The following TGIF2 variants were observed in gnomAD, a reference collection of about 807,000 sequenced individuals.
TGIF2 encodes TGFB induced factor homeobox 2.
Under a neutral mutation model 15.1 loss-of-function variants are expected in TGIF2, and 5 were observed. The observed-to-expected ratio is 0.33, with a 90% CI of 0.17 to 0.70. The LOEUF (loss-of-function observed/expected upper bound fraction) is 0.70. Among genes scored for constraint, TGIF2 ranks in the 30% least tolerant of loss-of-function variants. The pLI, the probability that TGIF2 is intolerant of heterozygous loss-of-function variation, is 0.67. For missense variants in TGIF2, 264 were observed against 302.5 expected (o/e 0.87, Z 0.94); for synonymous variants, 131 against 128.9 (o/e 1.02, Z -0.11).
chr20:36,591,162 G>C lies in TGIF2; in HGVS notation c.445G>C (p.Gly149Arg), dbSNP rs778161377. The change falls in exon 3 of 3, where the codon GGG (glycine) becomes CGG (arginine). Residue 149 changes from glycine (G) to arginine (R), a missense_variant. Gly to Arg is a moderately radical substitution (Grantham distance 125, BLOSUM62 -2). Coordinates refer to ENST00000373872, the MANE Select transcript of TGIF2 (RefSeq NM_021809.7). The surrounding 1 kb of genome is among the most constrained non-coding windows in gnomAD (Gnocchi z 5.3). Reference protein sequence around the residue: ...GEKPAAPFPRGELESPKPLVT... With the variant: ...GEKPAAPFPRRELESPKPLVT... ...AAAGCCAGCAGCCCCTTTCCCACGT[G>C]GGGAGCTGGAGTCTCCCAAGCCCCT... The C allele has an allele frequency of 5.6e-6, 9 of 1,614,100 alleles. No individual in the cohort carries two copies. The highest frequency in any genetic ancestry group is 1.1e-5 in the South Asian group (1 of 91,088).
At chr20:36,574,654 A>C (rs552422999) in intron 1 of TGIF2, 22 of 152,252 alleles carry the variant, frequency 1.4e-4, no homozygotes, top group African/African-American at 5.3e-4. Context: ...TCTTTCTTCC[A>C]GAGCCCCCGT....
Position 36,592,535 on chromosome 20 carries a change from AGCCATCT to A in TGIF2, c.*1107_*1113del, listed in dbSNP as rs1434045410. ...GCACCTCCTACTTGGGAGAAAAGTG[AGCCATCT>A]GCTGGTCAGGAAGTCCTCCAGAGAG... On this transcript the variant is annotated 3_prime_UTR_variant, in exon 3 of 3. Coordinates refer to ENST00000373872, the MANE Select transcript of TGIF2 (RefSeq NM_021809.7). 1 of 152,544 alleles carries A rather than the reference AGCCATCT, an allele frequency of 6.6e-6. No individual in the cohort carries two copies. Among genetic ancestry groups the A allele is most frequent in the African/African-American group, 2.4e-5 (1 of 41,406 alleles). 9.4% of individuals were successfully genotyped at this position (152,544 alleles called of 1,614,324 possible). A position where few individuals can be genotyped will look rare whatever the true frequency, so the allele number is the denominator to read the frequency against.
At chr20:36,588,501 C>T (rs1247278066) in intron 2 of TGIF2, among the ~76,000 whole-genome samples, 3 of 151,508 alleles carry the variant, frequency 2.0e-5, no homozygotes, top group Middle Eastern at 3.2e-3. Context: ...GCTGAGACTA[C>T]AGGCACATGC....
chr20:36,589,054 A>G (rs528135263), intron 2 of TGIF2, among the ~76,000 whole-genome samples: 53 of 152,338 alleles, frequency 3.5e-4, no homozygotes, highest in African/African-American at 1.2e-3. Flanking sequence ...TTTCCTTGGA[A>G]TTGTCTAGAA....
intron 2 of TGIF2, among the ~76,000 whole-genome samples, chr20:36,590,007 T>G (rs575611827): frequency 1.3e-5 from 2 of 151,942 alleles, no homozygotes; most frequent in East Asian, 3.9e-4. Context: ...CAGGCTGGAG[T>G]GCACTGGCAT....
intron 2 of TGIF2, among the ~76,000 whole-genome samples, chr20:36,587,181 C>T (rs530227325): frequency 4.8e-4 from 73 of 152,312 alleles, no homozygotes; most frequent in African/African-American, 1.7e-3. Flanking sequence ...TCAGTCCCCC[C>T]GCGTTGCCTT....
At position 36,591,196 on chromosome 20, in the gene TGIF2, C is replaced by G; in HGVS notation, c.479C>G (p.Pro160Arg). 1 of 1,614,222 alleles carries G rather than the reference C, an allele frequency of 6.2e-7. No individual in the cohort carries two copies. Among genetic ancestry groups the G allele is most frequent in the South Asian group, 1.1e-5 (1 of 91,086 alleles). Residue 160 changes from proline (P) to arginine (R), a missense_variant, in exon 3 of 3, where the codon CCT (proline) becomes CGT (arginine). By Grantham distance (103) the Pro-to-Arg change is moderately radical. Transcript: ENST00000373872. This position sits in a 1 kb window ranked among gnomAD's most constrained non-coding sequence, Gnocchi z 5.3. ...ELESPKPLVT[P>R]GSTLTLLTRA... ...GAGTCTCCCAAGCCCCTGGTGACCC[C>G]TGGTAGCACACTTACTCTGCTGACC...
At chr20:36,589,292 C>G (rs1012870885) in intron 2 of TGIF2, among the ~76,000 whole-genome samples, 2 of 152,138 alleles carry the variant, frequency 1.3e-5, no homozygotes, top group Admixed American at 6.5e-5. Flanking sequence ...ACAAAGGCAT[C>G]CCAGCACTGA....
intron 2 of TGIF2, among the ~76,000 whole-genome samples, chr20:36,589,839 C>T (rs534030519): frequency 2.2e-4 from 34 of 152,200 alleles, no homozygotes; most frequent in African/African-American, 8.2e-4. Context: ...CAGACACGCA[C>T]CACCATACCC....
chr20:36,581,984 C>G (rs1188045549), intron 2 of TGIF2, among the ~76,000 whole-genome samples: 1 of 152,022 alleles, frequency 6.6e-6, no homozygotes, highest in Non-Finnish European at 1.5e-5. Context: ...GCCTGTAATC[C>G]CAATACTTTG....
chr20:36,592,459 G>T lies in TGIF2; in HGVS notation c.*1028G>T, dbSNP rs931585376. On this transcript the variant is annotated 3_prime_UTR_variant, in exon 3 of 3. Transcript: ENST00000373872. ...ACTTTTGCCCTGCAGCCTCAGTTTT[G>T]AATTCTTTTAGCAACTTGGATTAGA... is the stretch of plus-strand genomic sequence containing the variant. 1 of 150,940 alleles carries T rather than the reference G, an allele frequency of 6.6e-6. No individual in the cohort carries two copies. Among genetic ancestry groups the T allele is most frequent in the African/African-American group, 2.4e-5 (1 of 40,826 alleles). The allele number at this position is 150,940 out of a possible 1,614,324, so 9.4% of individuals were successfully genotyped here. A position where few individuals can be genotyped will look rare whatever the true frequency, so the allele number is the denominator to read the frequency against.
chr20:36,579,149 C>T (rs890928568), intron 2 of TGIF2, among the ~76,000 whole-genome samples, 183 bp downstream of exon 2: 4 of 152,070 alleles, frequency 2.6e-5, no homozygotes, highest in Admixed American at 6.6e-5. Flanking sequence ...GAAATAGGGT[C>T]GCTGCAGTCA....
chr20:36,578,913 T>G lies in TGIF2; in HGVS notation c.139T>G (p.Ser47Ala). ...LYLHRYNAYP[S>A]EQEKLSLSGQ... Reference sequence around the variant, plus strand: ...CTTGCACCGCTACAACGCCTACCCCTCAGAGCAGGAGAAGCTGAGCCTTTC... The same window carrying G: ...CTTGCACCGCTACAACGCCTACCCCGCAGAGCAGGAGAAGCTGAGCCTTTC... Residue 47 changes from serine (S) to alanine (A), a missense_variant, in exon 2 of 3, where the codon TCA becomes GCA. Ser to Ala is a moderately conservative substitution (Grantham distance 99). Transcript: ENST00000373872. 6.2e-7 allele frequency: 1 copy of G among 1,614,134 alleles called. No homozygotes were observed.
At chr20:36,574,370 A>G (rs898053806) in intron 1 of TGIF2, among the ~76,000 whole-genome samples, 38 of 137,096 alleles carry the variant, frequency 2.8e-4, no homozygotes, top group African/African-American at 8.5e-4. Flanking sequence ...AGGTGATCCA[A>G]GCCTCCCGCG....
At chr20:36,587,027 G>A (rs1178922626) in intron 2 of TGIF2, among the ~76,000 whole-genome samples, 2 of 152,078 alleles carry the variant, frequency 1.3e-5, no homozygotes, top group East Asian at 3.9e-4. Context: ...CCTGTGTTTT[G>A]CCATATACAT....
At chr20:36,575,024 C>A (rs1417454069) in intron 1 of TGIF2, among the ~76,000 whole-genome samples, 1 of 152,002 alleles carries the variant, frequency 6.6e-6, no homozygotes, top group Non-Finnish European at 1.5e-5. Flanking sequence ...TGTGATGACG[C>A]CTGGAGTTTT....
chr20:36,590,095 A>G (rs1023405920), intron 2 of TGIF2, among the ~76,000 whole-genome samples: 7 of 151,968 alleles, frequency 4.6e-5, no homozygotes, highest in African/African-American at 1.7e-4. Flanking sequence ...AGCTGGGGCT[A>G]TAGGGCACAT....
Position 36,591,463 on chromosome 20 carries a change from G to C in TGIF2, c.*32G>C, listed in dbSNP as rs2147942229. On this transcript the variant is annotated 3_prime_UTR_variant, in exon 3 of 3. Transcript: ENST00000373872. The surrounding 1 kb of genome is among the most constrained non-coding windows in gnomAD (Gnocchi z 5.3). ...GCCAAGAAGGGTGCTGAAGGCTCCAGCCAGCTGTCCTGGGTTTCCGTTTTG... is the reference window on the plus strand; with the variant it reads ...GCCAAGAAGGGTGCTGAAGGCTCCACCCAGCTGTCCTGGGTTTCCGTTTTG... 2.6e-6 allele frequency: 4 copies of C among 1,566,908 alleles called. No homozygotes were observed. The East Asian group carries it at 9.0e-5, about 35-fold the overall frequency.
At chr20:36,589,990 G>A (rs2038736964) in intron 2 of TGIF2, among the ~76,000 whole-genome samples, 1 of 151,614 alleles carries the variant, frequency 6.6e-6, no homozygotes, top group Non-Finnish European at 1.5e-5. Context: ...CACCCAGCCT[G>A]ACTCTCCAGG....
Sources: gnomAD v4.1 joint callset for allele counts (sites outside exome capture counted in the v4.1 genomes callset) on GRCh38, gnomAD v4.1.1 for gene constraint, Gnocchi (gnomAD v3.1) non-coding constraint, MANE v1.5 for transcripts, NCBI Gene and HGNC (gene_info 2026-07-23, HGNC 2026-07-21) for gene names.